DYNC2LI1: variants seen among roughly 807,000 people sequenced by gnomAD.
DYNC2LI1 encodes cytoplasmic dynein 2 light intermediate chain 1.
In DYNC2LI1, 45 loss-of-function variants were observed where a neutral mutation model predicts 51.9. That is an observed-to-expected ratio of 0.87 (90% CI 0.68 to 1.11). DYNC2LI1 has a LOEUF of 1.11. Ranked by LOEUF, DYNC2LI1 falls within the 50% of genes most tolerant of loss-of-function variation. The probability of loss-of-function intolerance (pLI) is 0.00; values close to 1 mark genes in which losing one functional copy is unlikely to be tolerated. For missense variants in DYNC2LI1, 490 were observed against 417.4 expected, an observed-to-expected ratio of 1.17 and a Z score of -1.51; for synonymous variants, 130 against 137.8, an observed-to-expected ratio of 0.94 and a Z score of 0.40.
At chr2:43,828,119 C>T in the DYNC2LI1 span, 2 of 1,613,932 alleles carry the variant, frequency 1.2e-6, no homozygotes, top group Non-Finnish European at 1.7e-6. Context: ...CCTCCACCTG[C>T]AGGAGACACA....
chr2:43,816,683 A>G, the DYNC2LI1 span, among the ~76,000 whole-genome samples: 1 of 152,182 alleles, frequency 6.6e-6, no homozygotes, highest in East Asian at 1.9e-4. Flanking sequence ...AGCTGAAATT[A>G]CAGGCACGTG....
In DYNC2LI1 at chr2:43,804,653, G is replaced by T. The variant is rs1479353292; in HGVS notation, c.814G>T (p.Val272Phe). The T allele has an allele frequency of 3.7e-6, 6 of 1,603,260 alleles. No homozygotes were observed. The East Asian group carries it at 1.1e-4, about 30-fold the overall frequency. ...DSFGQIGSPP[V>F]PENDIGKLHA... ...ACTTGCTATTTTAGGATCTCCTCCT[G>T]TTCCTGAAAATGACATTGGAAAGCT... The change falls in exon 11 of 13, where the codon GTT (valine) becomes TTT (phenylalanine). Residue 272 changes from valine (V) to phenylalanine (F), a missense_variant. Coordinates refer to ENST00000260605, the MANE Select transcript of DYNC2LI1 (RefSeq NM_016008.4).
chr2:43,781,712 C>T (rs1673293985), intron 2 of DYNC2LI1: 1 of 151,594 alleles, frequency 6.6e-6, no homozygotes, highest in Non-Finnish European at 1.5e-5. Flanking sequence ...ACACCATTCT[C>T]CTGCCTCAGC....
chr2:43,789,368 C>G lies in DYNC2LI1; in HGVS notation c.232-265C>G, dbSNP rs536838770. Among the ~76,000 whole-genome samples the G allele has an allele frequency of 2.0e-5, 3 of 152,246 alleles. No homozygotes were observed. The South Asian group carries it at 6.2e-4, about 32-fold the overall frequency. ...CTACATATGTTATTTACAAGATTGA[C>G]GCACTGTTGATGTCTTCTGTTTAGG... is the stretch of plus-strand genomic sequence containing the variant. On this transcript the variant is annotated intron_variant, in intron 4 of 12. Transcript: ENST00000260605.
intron 3 of DYNC2LI1, among the ~76,000 whole-genome samples, chr2:43,785,759 A>G (rs1030029090): frequency 6.6e-6 from 1 of 151,896 alleles, no homozygotes; most frequent in Non-Finnish European, 1.5e-5. Context: ...CTTATATGAG[A>G]TATCTAAAAT....
chr2:43,783,648 T>C lies in DYNC2LI1; in HGVS notation c.161+94T>C, dbSNP rs1054562180. The C allele has an allele frequency of 1.7e-5, 12 of 709,308 alleles. No homozygotes were observed. The African/African-American group carries it at 1.9e-4, about 11-fold the overall frequency. 43.9% of individuals were successfully genotyped at this position (709,308 alleles called of 1,614,324 possible). A position where few individuals can be genotyped will look rare whatever the true frequency, so the allele number is the denominator to read the frequency against. ...AAAGACATAAGGAAGGGGAACGATT[T>C]TGAGACCCAAACAAAATATTTAATT... On this transcript the variant is annotated intron_variant, in intron 3 of 12. Coordinates refer to ENST00000260605, the MANE Select transcript of DYNC2LI1 (RefSeq NM_016008.4).
chr2:43,818,347 G>T, the DYNC2LI1 span, among the ~76,000 whole-genome samples: 2 of 152,148 alleles, frequency 1.3e-5, no homozygotes, highest in Admixed American at 1.3e-4. Flanking sequence ...AGGAGACTGA[G>T]GCACAAGAAT....
the DYNC2LI1 span, chr2:43,824,052 G>C: frequency 6.2e-7 from 1 of 1,614,202 alleles, no homozygotes; most frequent in Non-Finnish European, 8.5e-7. Context: ...ACAAACCCAT[G>C]ATCAGATTCT....
At chr2:43,779,498 G>T (rs1673176776) in intron 2 of DYNC2LI1, among the ~76,000 whole-genome samples, 1 of 152,184 alleles carries the variant, frequency 6.6e-6, no homozygotes, top group South Asian at 2.1e-4. Flanking sequence ...TGTGGAAACA[G>T]GAATGAAAGG....
chr2:43,820,532 A>G, the DYNC2LI1 span, among the ~76,000 whole-genome samples: 69 of 152,168 alleles, frequency 4.5e-4, no homozygotes, highest in Non-Finnish European at 8.8e-4. Flanking sequence ...CATCTCTGTT[A>G]TATGGGATTA....
intron 1 of DYNC2LI1, among the ~76,000 whole-genome samples, chr2:43,774,543 G>C (rs1207831433): frequency 6.6e-6 from 1 of 152,156 alleles, no homozygotes. Flanking sequence ...AGGCACTGTG[G>C]AAAGTATAAC....
At chr2:43,826,402 G>A in the DYNC2LI1 span, 13 of 1,614,082 alleles carry the variant, frequency 8.1e-6, no homozygotes, top group South Asian at 1.3e-4. Context: ...TCAGAACGGG[G>A]CTGGTGAATG....
the DYNC2LI1 span, chr2:43,828,311 C>G: frequency 1.4e-6 from 1 of 715,436 alleles, no homozygotes; most frequent in Non-Finnish European, 2.3e-6. Flanking sequence ...ATACATGTGT[C>G]AGATTTAAAT....
At chr2:43,797,041 C>G (rs897963812) in intron 8 of DYNC2LI1, among the ~76,000 whole-genome samples, 1 of 152,162 alleles carries the variant, frequency 6.6e-6, no homozygotes, top group Non-Finnish European at 1.5e-5. Flanking sequence ...AAATCCCAAC[C>G]AAGTTTAAAG....
At chr2:43,814,906 T>C (rs1009413033), downstream of DYNC2LI1, among the ~76,000 whole-genome samples, 3 of 152,240 alleles carry the variant, frequency 2.0e-5, no homozygotes, top group African/African-American at 4.8e-5. Flanking sequence ...GTCTCAGACA[T>C]CCTTCCAAGT....
intron 6 of DYNC2LI1, among the ~76,000 whole-genome samples, chr2:43,795,672 TATC>T (rs966406172): frequency 1.3e-5 from 2 of 152,096 alleles, no homozygotes; most frequent in African/African-American, 2.4e-5. Flanking sequence ...AAATAATAAA[TATC>T]ATAGTAATTT....
the DYNC2LI1 span, among the ~76,000 whole-genome samples, chr2:43,815,308 G>A: frequency 6.6e-6 from 1 of 152,270 alleles, no homozygotes; most frequent in Admixed American, 6.5e-5. Context: ...AATTCTTTCT[G>A]TTTGCAAGGC....
At chr2:43,827,325 C>CAAA in the DYNC2LI1 span, among the ~76,000 whole-genome samples, 24 of 112,242 alleles carry the variant, frequency 2.1e-4, no homozygotes, top group South Asian at 1.2e-3. Context: ...AACTCTGTCT[C>CAAA]AAAAAAAAAA....
At chr2:43,820,078 C>G in the DYNC2LI1 span, 2 of 1,614,074 alleles carry the variant, frequency 1.2e-6, no homozygotes, top group South Asian at 2.2e-5. Context: ...AATCGGGCAA[C>G]CTCAGGATGT....
Sources: gnomAD v4.1 joint callset for allele counts (sites outside exome capture counted in the v4.1 genomes callset) on GRCh38, gnomAD v4.1.1 for gene constraint, MANE v1.5 for transcripts, NCBI Gene and HGNC (gene_info 2026-07-23, HGNC 2026-07-21) for gene names.